Variants in C5orf58 observed in about 807,000 individuals in gnomAD.
C5orf58 encodes chromosome 5 open reading frame 58.
Under a neutral mutation model 2.9 loss-of-function variants are expected in C5orf58, and 2 were observed. The observed-to-expected ratio is 0.69, with a 90% CI of 0.28 to 2.18. The LOEUF (loss-of-function observed/expected upper bound fraction) is 2.18, where lower values mean the gene tolerates loss of function less well. C5orf58 is among the 30% of genes most tolerant of loss of function. C5orf58 has a pLI of 0.13. For missense variants in C5orf58, 96 were observed against 91.7 expected, an observed-to-expected ratio of 1.05 and a Z score of -0.19; for synonymous variants, 37 against 33.4, an observed-to-expected ratio of 1.11 and a Z score of -0.37.
chr5:170,235,373 C>T (rs993941178), intron 3 of C5orf58, among the ~76,000 whole-genome samples: 4 of 152,166 alleles, frequency 2.6e-5, no homozygotes, highest in African/African-American at 7.2e-5. Context: ...TCACATTCAG[C>T]AAAATTCATT....
chr5:170,252,487 C>T (rs895809061), downstream of C5orf58: 10 of 1,572,668 alleles, frequency 6.4e-6, no homozygotes, highest in South Asian at 2.3e-5. Context: ...ATATAAGAAA[C>T]GTACCACTCT....
downstream of C5orf58, chr5:170,248,671 C>T (rs753166911): frequency 1.4e-5 from 23 of 1,593,474 alleles, 1 homozygote; most frequent in Admixed American, 1.0e-4. Context: ...GGCAGGAGGA[C>T]GGTTCATTTG....
chr5:170,237,877 A>G (rs10067868), intron 3 of C5orf58, among the ~76,000 whole-genome samples: 1 of 151,870 alleles, frequency 6.6e-6, no homozygotes, highest in Non-Finnish European at 1.5e-5. Context: ...GTTTACTTAC[A>G]AAATTACAAG....
At chr5:170,244,251 T>C (rs2113124387) in intron 3 of C5orf58, among the ~76,000 whole-genome samples, 1 of 147,270 alleles carries the variant, frequency 6.8e-6, no homozygotes, top group South Asian at 2.2e-4. Context: ...CTGACAATTA[T>C]GTGTCTTGGA....
intron 3 of C5orf58, among the ~76,000 whole-genome samples, chr5:170,236,295 C>G (rs1760737069): frequency 6.6e-6 from 1 of 152,114 alleles, no homozygotes; most frequent in Non-Finnish European, 1.5e-5. Flanking sequence ...CTCCCTAGGA[C>G]AGCATTTCCT....
chr5:170,245,495 G>C (rs1467380306), intron 3 of C5orf58, among the ~76,000 whole-genome samples: 2 of 152,190 alleles, frequency 1.3e-5, no homozygotes, highest in Non-Finnish European at 2.9e-5. Context: ...TTTTAAGCCG[G>C]TCTGAAAAGC....
At chr5:170,250,922 A>G, downstream of C5orf58, 1 of 1,585,970 alleles carries the variant, frequency 6.3e-7, no homozygotes, top group Admixed American at 1.7e-5. Context: ...GGGAGCAGTA[A>G]AAGTCAATAT....
downstream of C5orf58, chr5:170,248,597 G>A (rs950443175): frequency 7.8e-7 from 1 of 1,289,070 alleles, no homozygotes; most frequent in East Asian, 2.4e-5. Context: ...ATGGGGAGGG[G>A]TTCAGTTCAG....
downstream of C5orf58, among the ~76,000 whole-genome samples, chr5:170,249,261 G>A (rs937935105): frequency 6.6e-6 from 1 of 151,730 alleles, no homozygotes; most frequent in Non-Finnish European, 1.5e-5. Context: ...GGAGGCAGAG[G>A]TTGCAGTGAG....
intron 2 of C5orf58, 50 bp downstream of exon 2, chr5:170,234,248 C>T: frequency 9.3e-7 from 1 of 1,079,058 alleles, no homozygotes; most frequent in Non-Finnish European, 1.3e-6. Flanking sequence ...CATGACTGCC[C>T]ACCTTTCACA....
chr5:170,239,653 A>G (rs1271633175), intron 3 of C5orf58, among the ~76,000 whole-genome samples: 1 of 152,212 alleles, frequency 6.6e-6, no homozygotes, highest in Non-Finnish European at 1.5e-5. Flanking sequence ...ATAAGTTAAA[A>G]CCATATAAAT....
chr5:170,236,672 T>C (rs1016939056), intron 3 of C5orf58, among the ~76,000 whole-genome samples: 1 of 152,210 alleles, frequency 6.6e-6, no homozygotes, highest in African/African-American at 2.4e-5. Flanking sequence ...ATGCTCCAGC[T>C]GTACTGAACT....
chr5:170,250,553 G>A (rs575830590), downstream of C5orf58, among the ~76,000 whole-genome samples: 19 of 152,304 alleles, frequency 1.2e-4, no homozygotes, highest in South Asian at 3.7e-3. Context: ...TCCTATGGCA[G>A]AAGTAACCAT....
At chr5:170,242,711 G>T (rs1251774657) in intron 3 of C5orf58, among the ~76,000 whole-genome samples, 2 of 146,594 alleles carry the variant, frequency 1.4e-5, no homozygotes, top group Admixed American at 6.8e-5. Context: ...CAATTTTGTT[G>T]ATCCTTTCAA....
At chr5:170,249,380 A>ATTTATATC, downstream of C5orf58, among the ~76,000 whole-genome samples, 1 of 148,024 alleles carries the variant, frequency 6.8e-6, no homozygotes, top group East Asian at 2.0e-4. Context: ...ATATATATAT[A>ATTTATATC]TCTACATATC....
downstream of C5orf58, chr5:170,250,778 C>T: frequency 6.2e-7 from 1 of 1,613,056 alleles, no homozygotes; most frequent in Non-Finnish European, 8.5e-7. Context: ...GACTTTCCTT[C>T]TGATAACGGA....
chr5:170,252,207 A>G (rs1581056312), downstream of C5orf58: 1 of 364,634 alleles, frequency 2.7e-6, no homozygotes, highest in Admixed American at 4.1e-5. Flanking sequence ...CTGCCAACCA[A>G]ATGACTGCCT....
At chr5:170,244,942 G>A (rs953841441) in intron 3 of C5orf58, among the ~76,000 whole-genome samples, 1 of 152,130 alleles carries the variant, frequency 6.6e-6, no homozygotes, top group Non-Finnish European at 1.5e-5. Context: ...TGATGGTGAT[G>A]TACAGATGGG....
At chr5:170,246,460 A>G (rs1761295462), downstream of C5orf58, 1 of 168,420 alleles carries the variant, frequency 5.9e-6, no homozygotes, top group African/African-American at 2.4e-5. Flanking sequence ...CAACCAGCTG[A>G]AGCATTTATT....
Sources: allele counts gnomAD v4.1 joint callset (sites outside exome capture counted in the v4.1 genomes callset), GRCh38; gene constraint gnomAD v4.1.1; transcripts MANE v1.5; gene names NCBI Gene and HGNC (gene_info 2026-07-23, HGNC 2026-07-21).